Variants in PRPSAP1 observed in about 807,000 individuals in gnomAD.
PRPSAP1 encodes the protein phosphoribosyl pyrophosphate synthetase associated protein 1.
PRPSAP1 carries 31 observed loss-of-function variants against 39.4 expected under a neutral mutation model. The observed-to-expected ratio is 0.79, with a 90% CI of 0.59 to 1.06. PRPSAP1 has a LOEUF of 1.06. PRPSAP1 is among the 50% of genes least tolerant of loss of function. The pLI is 0.00. For synonymous variants in PRPSAP1, 212 were observed against 192.6 expected (o/e 1.10, Z -0.83); for missense variants, 430 against 511.6 (o/e 0.84, Z 1.54).
In PRPSAP1 at chr17:76,332,429, C is replaced by T; in HGVS notation, c.297G>A (p.Val99=). Residue 99 remains valine, a synonymous_variant, in exon 4 of 10, where the codon GTG becomes GTA. Transcript: ENST00000446526. Reference sequence around the variant, plus strand: ...TGAGCAACTCCATCACAGCTGTATTCACATCTCTGAAACAGTCAAAGTTTG... The same window carrying T: ...TGAGCAACTCCATCACAGCTGTATTTACATCTCTGAAACAGTCAAAGTTTG... ...IFIIQTIPRD[V]NTAVMELLIM... is the part of the protein sequence containing the mutation. The T allele has an allele frequency of 6.2e-7, 1 of 1,614,108 alleles. No homozygotes were observed. The highest frequency in any genetic ancestry group is 1.1e-5 in the South Asian group (1 of 91,076).
At chr17:76,314,183 A>G in intron 7 of PRPSAP1, 1 of 407,454 alleles carries the variant, frequency 2.5e-6, no homozygotes, top group Non-Finnish European at 4.6e-6. Flanking sequence ...TATAATTTCA[A>G]CATGTAACTG....
At chr17:76,336,530 G>A (rs1245811821) in intron 3 of PRPSAP1, among the ~76,000 whole-genome samples, 4 of 151,392 alleles carry the variant, frequency 2.6e-5, no homozygotes, top group South Asian at 2.1e-4. Flanking sequence ...TCGGGAGTTC[G>A]AGACCAGCCT....
intron 6 of PRPSAP1, 38 bp downstream of exon 6, chr17:76,330,005 A>C (rs1221165322): frequency 1.3e-6 from 2 of 1,592,886 alleles, no homozygotes; most frequent in Non-Finnish European, 8.6e-7. Flanking sequence ...CTTCGGGAGC[A>C]CTCAGGAGGG....
rs1434322762 is a variant in PRPSAP1 at position 76,335,400 on chromosome 17, G to C, written c.291-2965C>G. On this transcript the variant is annotated intron_variant, in intron 3 of 9. Transcript: ENST00000446526. ...GATGGAAATTCGTTTTTGTCACCCA[G>C]GCTGGAGTGTAATGGTGCGATCTCA... is the stretch of plus-strand genomic sequence containing the variant. 3.3e-5 allele frequency among the ~76,000 whole-genome samples: 5 copies of C among 152,078 alleles called. No homozygotes were observed. The East Asian group carries it at 9.6e-4, about 29-fold the overall frequency.
At chr17:76,346,018 G>T in intron 2 of PRPSAP1, 1 of 450,924 alleles carries the variant, frequency 2.2e-6, no homozygotes, top group Non-Finnish European at 4.3e-6. Flanking sequence ...AAAGGAAAAA[G>T]CTGACACTGG....
chr17:76,331,231 T>C (rs1035684122), intron 4 of PRPSAP1, among the ~76,000 whole-genome samples: 2 of 152,120 alleles, frequency 1.3e-5, no homozygotes, highest in African/African-American at 2.4e-5. Flanking sequence ...AAAAGGTACA[T>C]ATATATAAAC....
upstream of PRPSAP1, chr17:76,354,117 C>G (rs543799333): frequency 1.5e-5 from 15 of 1,011,740 alleles, no homozygotes; most frequent in South Asian, 5.1e-4. Flanking sequence ...AGCAGCCTAC[C>G]TCGGTAGTGG....
At chr17:76,351,808 G>T (rs961475248) in intron 1 of PRPSAP1, among the ~76,000 whole-genome samples, 2 of 152,082 alleles carry the variant, frequency 1.3e-5, no homozygotes, top group African/African-American at 4.8e-5. Flanking sequence ...TGCCAGGAAA[G>T]AATCTAAAAC....
chr17:76,320,341 G>GAGGAAGGA (rs200479404), intron 7 of PRPSAP1, among the ~76,000 whole-genome samples: 2,059 of 68,448 alleles, frequency 0.03, 125 homozygotes, highest in African/African-American at 0.21. Flanking sequence ...GGGAGGGAGG[G>GAGGAAGGA]AGGAAGGAAG....
At chr17:76,333,947 G>A (rs1417227821) in intron 3 of PRPSAP1, among the ~76,000 whole-genome samples, 1 of 152,136 alleles carries the variant, frequency 6.6e-6, no homozygotes, top group African/African-American at 2.4e-5. Flanking sequence ...AGAGTGCAGT[G>A]GTACAATCTT....
intron 2 of PRPSAP1, among the ~76,000 whole-genome samples, chr17:76,347,484 CAAAAAAAAAA>C (rs71161289): frequency 2.8e-4 from 7 of 25,216 alleles, no homozygotes; most frequent in South Asian, 2.3e-3. Context: ...AAGACTCCGT[CAAAAAAAAAA>C]AAAAAAAAAA....
intron 3 of PRPSAP1, among the ~76,000 whole-genome samples, chr17:76,335,897 G>A (rs7209173): frequency 0.055 from 8,399 of 152,130 alleles, 264 homozygotes; most frequent in Middle Eastern, 0.13. Context: ...GGGAGGCTGA[G>A]GTGGGAGGAT....
chr17:76,332,892 A>ATT (rs1386737477), intron 3 of PRPSAP1, among the ~76,000 whole-genome samples: 1,517 of 139,194 alleles, frequency 0.011, 30 homozygotes, highest in African/African-American at 0.037. Context: ...TTGGAATATA[A>ATT]TTTTTTTTTT....
intron 7 of PRPSAP1, among the ~76,000 whole-genome samples, chr17:76,321,350 T>C (rs951597231): frequency 6.6e-6 from 1 of 151,122 alleles, no homozygotes; most frequent in Non-Finnish European, 1.5e-5. Flanking sequence ...AGGTCAGGAG[T>C]TCAAGACCAG....
At chr17:76,351,568 T>G (rs1339303403) in intron 1 of PRPSAP1, among the ~76,000 whole-genome samples, 1 of 152,144 alleles carries the variant, frequency 6.6e-6, no homozygotes, top group Non-Finnish European at 1.5e-5. Context: ...GCATCTGTGA[T>G]CCCAGCTACT....
At chr17:76,317,563 G>A (rs1024583367) in intron 7 of PRPSAP1, among the ~76,000 whole-genome samples, 1 of 152,060 alleles carries the variant, frequency 6.6e-6, no homozygotes, top group Non-Finnish European at 1.5e-5. Context: ...AATAAAATGA[G>A]GTCTTCTGTA....
In PRPSAP1 at chr17:76,332,245, G is replaced by A; in HGVS notation, c.463+18C>T. 2 of 1,611,572 alleles carry A rather than the reference G, an allele frequency of 1.2e-6. No homozygotes were observed. The highest frequency in any genetic ancestry group is 2.7e-5 in the African/African-American group (2 of 74,982). ...TAAAGGATCATGCTGGAACCCCAGG[G>A]CCCCCGCGCACACTCACCTGCTTTC... On this transcript the variant is annotated intron_variant, in intron 4 of 9. Transcript: ENST00000446526.
rs2071059920 is a variant in PRPSAP1 at position 76,310,508 on chromosome 17, C to T, written c.*1034G>A. 6.6e-6 allele frequency: 1 copy of T among 151,768 alleles called. No individual in the cohort carries two copies. The highest frequency in any genetic ancestry group is 1.5e-5 in the Non-Finnish European group (1 of 68,026). 9.4% of individuals were successfully genotyped at this position (151,768 alleles called of 1,614,324 possible). A position where few individuals can be genotyped will look rare whatever the true frequency, so the allele number is the denominator to read the frequency against. On this transcript the variant is annotated 3_prime_UTR_variant, in exon 10 of 10. Coordinates refer to ENST00000446526, the MANE Select transcript of PRPSAP1 (RefSeq NM_002766.3). The stretch of plus-strand genomic sequence containing the variant: ...TGAGACAGGGTGTTGCTCTGTCACC[C>T]AGGATGGATGGCAGTGGTACAATCA...
At chr17:76,341,234 G>GTTTTTTTTTTTTT (rs5822126) in intron 3 of PRPSAP1, among the ~76,000 whole-genome samples, 4 of 119,978 alleles carry the variant, frequency 3.3e-5, no homozygotes, top group Non-Finnish European at 5.2e-5. Flanking sequence ...ACTTTTTTTT[G>GTTTTTTTTTTTTT]TTTTTTTTTT....
Sources: allele counts gnomAD v4.1 joint callset (sites outside exome capture counted in the v4.1 genomes callset), GRCh38; gene constraint gnomAD v4.1.1; transcripts MANE v1.5; gene names NCBI Gene and HGNC (gene_info 2026-07-23, HGNC 2026-07-21).